NKAIN3: variants seen among roughly 807,000 people sequenced by gnomAD.
The protein encoded by NKAIN3 is sodium/potassium-transporting ATPase subunit beta-1-interacting protein 3.
NKAIN3 carries 25 observed loss-of-function variants against 30.2 expected under a neutral mutation model. The ratio of observed to expected loss-of-function variants is 0.83; its 90% CI spans 0.60 to 1.16. The LOEUF is 1.16. Among genes scored for constraint, NKAIN3 ranks in the 50% most tolerant of loss-of-function variants. The pLI is 0.00. For missense variants in NKAIN3, 225 were observed against 254.1 expected (o/e 0.89, Z 0.78); for synonymous variants, 91 against 89.6 (o/e 1.02, Z -0.09).
intron 1 of NKAIN3, among the ~76,000 whole-genome samples, chr8:62,412,933 A>AAAG (rs1804304786): frequency 6.9e-6 from 1 of 145,150 alleles, no homozygotes. Context: ...AAAAAAAAAA[A>AAAG]AACAGCAAAA....
At chr8:62,751,503 A>G (rs1816282988) in intron 4 of NKAIN3, among the ~76,000 whole-genome samples, 1 of 152,148 alleles carries the variant, frequency 6.6e-6, no homozygotes, top group Non-Finnish European at 1.5e-5. Context: ...ATGTGACTAT[A>G]TATTCTTATT....
At chr8:62,875,802 C>T (rs997110123) in intron 4 of NKAIN3, among the ~76,000 whole-genome samples, 3 of 152,146 alleles carry the variant, frequency 2.0e-5, no homozygotes, top group Admixed American at 6.5e-5. Flanking sequence ...TGGACCCATC[C>T]CTTACATCTT....
chr8:62,579,915 G>A (rs1005821313), intron 2 of NKAIN3, among the ~76,000 whole-genome samples: 3 of 152,076 alleles, frequency 2.0e-5, no homozygotes, highest in East Asian at 3.9e-4. Context: ...CACTCACAAC[G>A]TAACTGAATT....
rs200921584 is a variant in NKAIN3, at chr8:62,353,266, T to G, written c.54+104139T>G. On this transcript the variant is annotated intron_variant, in intron 1 of 6. Transcript: ENST00000623646. ...CAGGGTTAGTTTAAGTGTAGTTTAA[T>G]AGTTCCTATGTACATTCTTAGTAAG... Among the ~76,000 whole-genome samples the G allele has an allele frequency of 9.2e-5, 14 of 152,354 alleles. No homozygotes were observed. The East Asian group carries it at 2.1e-3, about 23-fold the overall frequency.
rs563682660 is a variant in NKAIN3 at position 62,364,797 on chromosome 8, C to G, written c.54+115670C>G. Among the ~76,000 whole-genome samples, 6 of 114,358 alleles carry G rather than the reference C, an allele frequency of 5.2e-5. No individual in the cohort carries two copies. In the East Asian group the frequency reaches 1.7e-3, roughly 33 times the overall value. The allele number at this position is 114,358 out of a possible 152,430, so 75.0% of individuals were successfully genotyped here. The stretch of plus-strand genomic sequence containing the variant: ...AGCTTGCAGATCGCGCTACTGCACT[C>G]CAGCCTGTGTGACAGAGCGAGACTC... On this transcript the variant is annotated intron_variant, in intron 1 of 6. Transcript: ENST00000623646.
chr8:62,650,428 G>GA (rs1812588396), intron 3 of NKAIN3, among the ~76,000 whole-genome samples: 1 of 152,050 alleles, frequency 6.6e-6, no homozygotes. Flanking sequence ...AGCAGGCAGT[G>GA]AAAAAACACA....
intron 5 of NKAIN3, among the ~76,000 whole-genome samples, chr8:62,946,317 C>A (rs141571387): frequency 6.6e-6 from 1 of 152,234 alleles, no homozygotes; most frequent in African/African-American, 2.4e-5. Flanking sequence ...CATCATGGTG[C>A]CTTGGTGGCC....
At chr8:62,475,913 T>G (rs1424723623) in intron 1 of NKAIN3, among the ~76,000 whole-genome samples, 2 of 152,204 alleles carry the variant, frequency 1.3e-5, no homozygotes, top group African/African-American at 2.4e-5. Flanking sequence ...ACAGCTCTCT[T>G]CTTGAACTTG....
intron 4 of NKAIN3, among the ~76,000 whole-genome samples, chr8:62,819,502 C>A (rs1422129516): frequency 6.6e-6 from 1 of 151,998 alleles, no homozygotes; most frequent in Non-Finnish European, 1.5e-5. Context: ...GCCTAATCTT[C>A]ATTTTAATTT....
At chr8:62,858,135 G>A (rs1255926732) in intron 4 of NKAIN3, among the ~76,000 whole-genome samples, 1 of 152,096 alleles carries the variant, frequency 6.6e-6, no homozygotes, top group African/African-American at 2.4e-5. Flanking sequence ...CTGGGAGTCT[G>A]CTCCAGACCC....
chr8:62,294,528 A>G (rs1405192713), intron 1 of NKAIN3, among the ~76,000 whole-genome samples: 1 of 152,134 alleles, frequency 6.6e-6, no homozygotes. Flanking sequence ...ATTTGCTAAC[A>G]GATGTGTTCT....
chr8:62,352,326 G>T (rs1312564530), intron 1 of NKAIN3, among the ~76,000 whole-genome samples: 1 of 152,118 alleles, frequency 6.6e-6, no homozygotes, highest in East Asian at 1.9e-4. Context: ...TGAAGCTCCT[G>T]AGAGAAGTGA....
chr8:62,787,450 T>C (rs572640618), intron 4 of NKAIN3, among the ~76,000 whole-genome samples: 7 of 152,280 alleles, frequency 4.6e-5, no homozygotes, highest in African/African-American at 1.7e-4. Context: ...TAGTTAGCCA[T>C]GATACTTAAT....
At chr8:62,707,085 A>ACACACACACACG (rs57061825) in intron 3 of NKAIN3, among the ~76,000 whole-genome samples, 8 of 144,206 alleles carry the variant, frequency 5.5e-5, no homozygotes, top group African/African-American at 2.0e-4. Flanking sequence ...ACACACACAC[A>ACACACACACACG]CGCACATATA....
intron 4 of NKAIN3, among the ~76,000 whole-genome samples, chr8:62,763,357 T>C (rs1391230554): frequency 2.6e-5 from 4 of 151,904 alleles, no homozygotes; most frequent in African/African-American, 9.7e-5. Flanking sequence ...TCGGAATTGA[T>C]TGTCATTTCA....
chr8:62,706,125 C>G (rs904245964), intron 3 of NKAIN3, among the ~76,000 whole-genome samples: 1 of 152,014 alleles, frequency 6.6e-6, no homozygotes, highest in Non-Finnish European at 1.5e-5. Context: ...GGAAAGACTT[C>G]TAATTTCTAT....
At chr8:62,611,668 C>T (rs778304282) in intron 3 of NKAIN3, among the ~76,000 whole-genome samples, 3 of 152,064 alleles carry the variant, frequency 2.0e-5, no homozygotes, top group East Asian at 1.9e-4. Flanking sequence ...ATACGTACCA[C>T]GTTTTAAAAT....
intron 1 of NKAIN3, among the ~76,000 whole-genome samples, chr8:62,518,863 T>C (rs1004521450): frequency 6.6e-6 from 1 of 152,126 alleles, no homozygotes; most frequent in Non-Finnish European, 1.5e-5. Flanking sequence ...TTCTGCTAAC[T>C]AGCTTCAGGA....
intron 3 of NKAIN3, among the ~76,000 whole-genome samples, chr8:62,739,645 T>C (rs1815800093): frequency 2.0e-5 from 3 of 152,142 alleles, no homozygotes; most frequent in Admixed American, 2.0e-4. Flanking sequence ...ACCTGTTAAA[T>C]GGATGGATAA....
Sources: gnomAD v4.1 joint callset for allele counts (sites outside exome capture counted in the v4.1 genomes callset) on GRCh38, gnomAD v4.1.1 for gene constraint, MANE v1.5 for transcripts, NCBI Gene and HGNC (gene_info 2026-07-23, HGNC 2026-07-21) for gene names.